FAM171A1: variants seen among roughly 807,000 people sequenced by gnomAD.
The protein encoded by FAM171A1 is protein FAM171A1.
FAM171A1 carries 23 observed loss-of-function variants against 74.9 expected under a neutral mutation model. The ratio of observed to expected loss-of-function variants is 0.31; its 90% confidence interval spans 0.22 to 0.44. FAM171A1 has a LOEUF of 0.44. FAM171A1 is among the 20% of genes least tolerant of loss of function. The probability of loss-of-function intolerance (pLI) is 1.00; values close to 1 mark genes in which losing one functional copy is unlikely to be tolerated. For synonymous variants in FAM171A1, 527 were observed against 505.7 expected (o/e 1.04, Z -0.57); for missense variants, 1,162 against 1,159.2 (o/e 1.00, Z -0.03).
In FAM171A1 at chr10:15,286,787, C is replaced by A. The variant is rs142428522; in HGVS notation, c.98-2682G>T. On this transcript the variant is annotated intron_variant, in intron 1 of 7. Coordinates refer to ENST00000378116, the MANE Select transcript of FAM171A1 (RefSeq NM_001010924.2). ...TTCCACATGCTGATTTAATACATTT[C>A]TTGAGTAGATAACCATAGACAAGAG... Among the ~76,000 whole-genome samples the A allele has an allele frequency of 2.9e-3, 448 of 152,280 alleles. 5 individuals are homozygous for A. The highest frequency in any genetic ancestry group is 6.8e-3 in the Middle Eastern group (2 of 294).
At chr10:15,270,006 T>G (rs1834801683) in intron 3 of FAM171A1, among the ~76,000 whole-genome samples, 1 of 152,182 alleles carries the variant, frequency 6.6e-6, no homozygotes, top group Admixed American at 6.5e-5. Context: ...TTTCTGCATT[T>G]CCAACTGAGG....
chr10:15,320,391 T>C (rs1372196793), intron 1 of FAM171A1, among the ~76,000 whole-genome samples: 1 of 152,276 alleles, frequency 6.6e-6, no homozygotes, highest in Non-Finnish European at 1.5e-5. Context: ...TCTAGGTTGA[T>C]TTCACATTTT....
At chr10:15,350,692 G>T (rs1835867466) in intron 1 of FAM171A1, among the ~76,000 whole-genome samples, 1 of 150,690 alleles carries the variant, frequency 6.6e-6, no homozygotes, top group Admixed American at 6.6e-5. Context: ...AGGCTGGAGT[G>T]CAGTGGTGCC....
rs760257001 is a variant in FAM171A1 at position 15,248,757 on chromosome 10, G to T, written c.636C>A (p.Ser212Arg). The T allele has an allele frequency of 1.9e-6, 3 of 1,613,516 alleles. No homozygotes were observed. The highest frequency in any genetic ancestry group is 2.5e-6 in the Non-Finnish European group (3 of 1,179,690). ...CCACCAGCACCGGCGTTCCATTACTGCTCAGCAAGTGGACGCTGACGGCTG... is the reference window on the plus strand; with the variant it reads ...CCACCAGCACCGGCGTTCCATTACTTCTCAGCAAGTGGACGCTGACGGCTG... ...PVTAVSVHLL[S>R]SNGTPVLVDG... is the part of the protein sequence containing the mutation. Residue 212 changes from serine (S) to arginine (R), a missense_variant, in exon 5 of 8, where the codon AGC becomes AGA. By Grantham distance (110) the Ser-to-Arg change is moderately radical. Transcript: ENST00000378116.
In FAM171A1 at chr10:15,240,689, A is replaced by G. The variant is rs1002835867; in HGVS notation, c.754+7950T>C. ...TAAACTTTCAATTTCCTGGCAGTCA[A>G]GGATTAAAGTGTGTGAGTTAGAGTT... On this transcript the variant is annotated intron_variant, in intron 5 of 7. Coordinates refer to ENST00000378116, the MANE Select transcript of FAM171A1 (RefSeq NM_001010924.2). The G allele has an allele frequency of 5.1e-5, 50 of 983,618 alleles. No homozygotes were observed. In the South Asian group the frequency reaches 1.8e-3, roughly 35 times the overall value. The allele number at this position is 983,618 out of a possible 1,614,324, so 60.9% of individuals were successfully genotyped here. A position where few individuals can be genotyped will look rare whatever the true frequency, so the allele number is the denominator to read the frequency against.
chr10:15,251,669 C>T (rs1172785547), intron 4 of FAM171A1, among the ~76,000 whole-genome samples: 1 of 152,048 alleles, frequency 6.6e-6, no homozygotes, highest in Non-Finnish European at 1.5e-5. Flanking sequence ...GCCTCGGCCT[C>T]CCAAAGTGCT....
At chr10:15,272,034 A>G (rs1834832042) in intron 3 of FAM171A1, among the ~76,000 whole-genome samples, 1 of 152,222 alleles carries the variant, frequency 6.6e-6, no homozygotes, top group Non-Finnish European at 1.5e-5. Context: ...CACACATAAG[A>G]ATATTAACCT....
rs753270879 is a variant in FAM171A1, at chr10:15,213,800, A to G, written c.1788T>C (p.Tyr596=). Residue 596 remains tyrosine, a synonymous_variant, in exon 8 of 8, where the codon TAT becomes TAC. Coordinates refer to ENST00000378116, the MANE Select transcript of FAM171A1 (RefSeq NM_001010924.2). This position sits in a 1 kb window ranked among gnomAD's most constrained non-coding sequence, Gnocchi z 6.8. ...CCGGGACGACGAGGGGCTGGCTGAC[A>G]TAGGAGTGGTCCCCGGGGAGTTTCA... ...HYMKLPGDHS[Y]VSQPLVVPAD... 6.2e-6 allele frequency: 10 copies of G among 1,614,026 alleles called. No individual in the cohort carries two copies. The highest frequency in any genetic ancestry group is 8.5e-6 in the Non-Finnish European group (10 of 1,180,030).
At chr10:15,242,106 G>A (rs1009963761) in intron 5 of FAM171A1, among the ~76,000 whole-genome samples, 4 of 152,060 alleles carry the variant, frequency 2.6e-5, no homozygotes, top group South Asian at 2.1e-4. Flanking sequence ...TGAGATGATC[G>A]ATTACTGTAA....
rs150492697 is a variant in FAM171A1 at position 15,341,339 on chromosome 10, G to T, written c.97+29617C>A. Among the ~76,000 whole-genome samples the T allele has an allele frequency of 3.0e-4, 45 of 152,302 alleles. No homozygotes were observed. In the East Asian group the frequency reaches 8.5e-3, roughly 29 times the overall value. On this transcript the variant is annotated intron_variant, in intron 1 of 7. Transcript: ENST00000378116. ...TGTACAACAAATCTTATTTTCAATG[G>T]ACTGAAGGGTATGCTTTAGAAGCCG... is the stretch of plus-strand genomic sequence containing the variant.
At chr10:15,231,492 C>T (rs1429163501) in intron 5 of FAM171A1, among the ~76,000 whole-genome samples, 2 of 152,080 alleles carry the variant, frequency 1.3e-5, no homozygotes, top group Non-Finnish European at 2.9e-5. Flanking sequence ...TGTGAGCCAC[C>T]GTGCACAGCC....
Position 15,271,602 on chromosome 10 carries a change from G to A in FAM171A1, c.418+4253C>T, listed in dbSNP as rs150724231. Among the ~76,000 whole-genome samples the A allele has an allele frequency of 5.2e-3, 789 of 152,296 alleles. 11 individuals carry two copies. The highest frequency in any genetic ancestry group is 0.018 in the African/African-American group (755 of 41,564). On this transcript the variant is annotated intron_variant, in intron 3 of 7. Coordinates refer to ENST00000378116, the MANE Select transcript of FAM171A1 (RefSeq NM_001010924.2). ...TTGTCAGATTCACCAAAGTTGAAAT[G>A]AAGGAAAAAATGTTAAGGGCAGCCA...
At chr10:15,360,513 T>A (rs1171721847) in intron 1 of FAM171A1, among the ~76,000 whole-genome samples, 1 of 152,336 alleles carries the variant, frequency 6.6e-6, no homozygotes, top group South Asian at 2.1e-4. Flanking sequence ...TAGGATTTCC[T>A]CCTTCTGATT....
upstream of FAM171A1, among the ~76,000 whole-genome samples, chr10:15,371,420 C>T (rs1160088057): frequency 6.7e-6 from 1 of 148,864 alleles, no homozygotes; most frequent in Non-Finnish European, 1.5e-5. Context: ...CCCAGCCCGA[C>T]CCCCGGCGAC....
intron 5 of FAM171A1, among the ~76,000 whole-genome samples, chr10:15,224,333 C>A (rs139846387): frequency 6.6e-6 from 1 of 152,100 alleles, no homozygotes; most frequent in Non-Finnish European, 1.5e-5. Context: ...GTGAACAGGA[C>A]GGAGCAGCTG....
chr10:15,284,439 T>TG (rs1457268362), intron 1 of FAM171A1, among the ~76,000 whole-genome samples: 4 of 151,302 alleles, frequency 2.6e-5, no homozygotes, highest in African/African-American at 9.7e-5. Context: ...TGTGTGTGTG[T>TG]TTTGAAACAG....
chr10:15,323,344 T>C (rs1021699337), intron 1 of FAM171A1, among the ~76,000 whole-genome samples: 3 of 151,872 alleles, frequency 2.0e-5, no homozygotes, highest in African/African-American at 4.8e-5. Context: ...TCCCAGCTAC[T>C]TGGGAAGCTG....
At chr10:15,235,383 A>G (rs377578994) in intron 5 of FAM171A1, among the ~76,000 whole-genome samples, 4 of 151,560 alleles carry the variant, frequency 2.6e-5, no homozygotes, top group African/African-American at 9.7e-5. Context: ...TTCAGACCCA[A>G]TTCTCCTGCC....
intron 1 of FAM171A1, among the ~76,000 whole-genome samples, chr10:15,305,125 T>C (rs1407017032): frequency 6.6e-6 from 1 of 152,188 alleles, no homozygotes; most frequent in Non-Finnish European, 1.5e-5. Context: ...TAATTTAAAA[T>C]AGTAGATGAC....
Sources: allele counts gnomAD v4.1 joint callset (sites outside exome capture counted in the v4.1 genomes callset), GRCh38; gene constraint gnomAD v4.1.1; non-coding constraint Gnocchi (gnomAD v3.1); transcripts MANE v1.5; gene names NCBI Gene and HGNC (gene_info 2026-07-23, HGNC 2026-07-21).